SPIN1: variants seen among roughly 807,000 people sequenced by gnomAD.
SPIN1 encodes spindlin 1.
A neutral mutation model predicts 26.0 loss-of-function variants in SPIN1; 3 were observed. The ratio of observed to expected loss-of-function variants is 0.12; its 90% CI spans 0.05 to 0.30. The LOEUF is 0.30. SPIN1 is among the 10% of genes least tolerant of loss of function. The pLI is 1.00. For synonymous variants in SPIN1, 101 were observed against 116.5 expected (o/e 0.87, Z 0.86); for missense variants, 126 against 333.4 (o/e 0.38, Z 4.84).
At chr9:88,424,560 C>T (rs1411100385) in intron 1 of SPIN1, among the ~76,000 whole-genome samples, 1 of 152,062 alleles carries the variant, frequency 6.6e-6, no homozygotes, top group Non-Finnish European at 1.5e-5. Context: ...AAGTTAGTCC[C>T]TGAGGGAGAT....
At chr9:88,452,063 A>G (rs1161775198) in intron 3 of SPIN1, among the ~76,000 whole-genome samples, 1 of 152,232 alleles carries the variant, frequency 6.6e-6, no homozygotes, top group African/African-American at 2.4e-5. Context: ...AAAGTGGACT[A>G]GAATCTACTA....
rs1249344174 is a variant in SPIN1, at chr9:88,454,103, T to C, written c.101+5114T>C. On this transcript the variant is annotated intron_variant, in intron 3 of 5. Coordinates refer to ENST00000375859, the MANE Select transcript of SPIN1 (RefSeq NM_006717.3). Reference sequence around the variant, plus strand: ...GAGGTTATAGATGTTTAATTCTGGCTGCATTTCAAGATGTCCTAGGTTGAA... The same window carrying C: ...GAGGTTATAGATGTTTAATTCTGGCCGCATTTCAAGATGTCCTAGGTTGAA... 2.0e-5 allele frequency among the ~76,000 whole-genome samples: 3 copies of C among 152,232 alleles called. No homozygotes were observed. In the East Asian group the frequency reaches 5.8e-4, roughly 29 times the overall value.
At chr9:88,467,932 T>C (rs1828703795) in intron 4 of SPIN1, among the ~76,000 whole-genome samples, 1 of 151,994 alleles carries the variant, frequency 6.6e-6, no homozygotes, top group South Asian at 2.1e-4. Flanking sequence ...TGTAAGATGC[T>C]AATACAGGAG....
In SPIN1 at chr9:88,426,682, C is replaced by G; in HGVS notation, c.52+91C>G. 10 of 1,125,930 alleles carry G rather than the reference C, an allele frequency of 8.9e-6. No individual in the cohort carries two copies. The South Asian group carries it at 1.0e-4, about 12-fold the overall frequency. The allele number at this position is 1,125,930 out of a possible 1,614,324, so 69.7% of individuals were successfully genotyped here. On this transcript the variant is annotated intron_variant, in intron 2 of 5. Coordinates refer to ENST00000375859, the MANE Select transcript of SPIN1 (RefSeq NM_006717.3). ...AAAATTGGGTACTTTCACATAATAG[C>G]TAGTGAAAAACTTTGTCATTTCTAG...
Position 88,443,133 on chromosome 9 carries a change from AAC to A in SPIN1, c.53-5806_53-5805del, listed in dbSNP as rs1467930360. On this transcript the variant is annotated intron_variant, in intron 2 of 5. Transcript: ENST00000375859. ...AGACTCCATCTCAAAAAAAAAAAAA[AAC>A]AAAAAAAAACTCAGTCTTTGCTTTA... Among the ~76,000 whole-genome samples, 550 of 151,142 alleles carry A rather than the reference AAC, an allele frequency of 3.6e-3. 6 individuals carry two copies. The highest frequency in any genetic ancestry group is 0.013 in the African/African-American group (526 of 40,812).
At chr9:88,407,517 C>T (rs1008249110) in intron 1 of SPIN1, among the ~76,000 whole-genome samples, 1 of 151,162 alleles carries the variant, frequency 6.6e-6, no homozygotes, top group African/African-American at 2.4e-5. Flanking sequence ...TTAAAATAAG[C>T]TATTGAATTG....
rs1343993236 is a variant in SPIN1, at chr9:88,478,223, G to A, written c.*2946G>A. On this transcript the variant is annotated 3_prime_UTR_variant, in exon 6 of 6. Transcript: ENST00000375859. ...ATTGTTTTATGTGCCAAACCACGAA[G>A]TGCATTGGGCTTCAATCTCTGAACA... The A allele has an allele frequency of 6.6e-6, 1 of 152,618 alleles. No homozygotes were observed. The highest frequency in any genetic ancestry group is 2.4e-5 in the African/African-American group (1 of 41,440). The allele number at this position is 152,618 out of a possible 1,614,324, so 9.5% of individuals were successfully genotyped here. A position where few individuals can be genotyped will look rare whatever the true frequency, so the allele number is the denominator to read the frequency against.
At chr9:88,469,667 G>C (rs11142309) in intron 5 of SPIN1, among the ~76,000 whole-genome samples, 54 of 151,970 alleles carry the variant, frequency 3.6e-4, no homozygotes, top group Non-Finnish European at 5.7e-4. Flanking sequence ...GGCACCCACC[G>C]CCACACCTGG....
At chr9:88,438,132 C>T (rs943313256) in intron 2 of SPIN1, among the ~76,000 whole-genome samples, 3 of 148,718 alleles carry the variant, frequency 2.0e-5, no homozygotes. Flanking sequence ...GCCTGGGCCA[C>T]AGAGCAAGAC....
At chr9:88,413,389 G>T (rs1203743676) in intron 1 of SPIN1, among the ~76,000 whole-genome samples, 1 of 149,440 alleles carries the variant, frequency 6.7e-6, no homozygotes. Flanking sequence ...TTTTTGTTCT[G>T]TTTTTTTTAT....
intron 1 of SPIN1, among the ~76,000 whole-genome samples, chr9:88,407,000 T>C (rs1315115693): frequency 2.0e-5 from 3 of 152,100 alleles, no homozygotes; most frequent in African/African-American, 7.2e-5. Context: ...ATCCTTTTCA[T>C]TTCCTAACTA....
chr9:88,469,496 G>A (rs1046676381), intron 5 of SPIN1, among the ~76,000 whole-genome samples: 1 of 152,098 alleles, frequency 6.6e-6, no homozygotes, highest in African/African-American at 2.4e-5. Flanking sequence ...ATTTCATTAG[G>A]CCTAGAAAAC....
intron 2 of SPIN1, among the ~76,000 whole-genome samples, chr9:88,430,062 A>G (rs1827837350): frequency 1.3e-5 from 2 of 152,196 alleles, no homozygotes; most frequent in African/African-American, 2.4e-5. Flanking sequence ...AGCATAGACA[A>G]ATGCTCTGCT....
chr9:88,451,477 T>C (rs1828351285), intron 3 of SPIN1, among the ~76,000 whole-genome samples: 1 of 152,236 alleles, frequency 6.6e-6, no homozygotes, highest in Admixed American at 6.5e-5. Context: ...TGTGGTGTTT[T>C]GGGTGAAACT....
At chr9:88,466,159 G>GTTTTAATTTTT (rs1182138353) in intron 4 of SPIN1, among the ~76,000 whole-genome samples, 2 of 151,950 alleles carry the variant, frequency 1.3e-5, no homozygotes, top group Non-Finnish European at 2.9e-5. Context: ...TTCCATTTAT[G>GTTTTAATTTTT]TTTTAATTTT....
intron 1 of SPIN1, among the ~76,000 whole-genome samples, chr9:88,406,686 A>T (rs577947905): frequency 1.3e-5 from 2 of 152,140 alleles, no homozygotes; most frequent in Admixed American, 1.3e-4. Context: ...TTTAGTTTCA[A>T]TCTGTTAATA....
chr9:88,464,808 T>G (rs566325840), intron 4 of SPIN1, among the ~76,000 whole-genome samples: 2 of 152,238 alleles, frequency 1.3e-5, no homozygotes, highest in South Asian at 2.1e-4. Flanking sequence ...AAGTGTACAG[T>G]TCAGTAGTGT....
At chr9:88,407,543 G>C (rs1463244010) in intron 1 of SPIN1, among the ~76,000 whole-genome samples, 1 of 151,708 alleles carries the variant, frequency 6.6e-6, no homozygotes, top group African/African-American at 2.4e-5. Flanking sequence ...AGGAGCAGTG[G>C]CTCACATCTG....
chr9:88,418,275 A>G (rs1237416690), intron 1 of SPIN1, among the ~76,000 whole-genome samples: 1 of 152,186 alleles, frequency 6.6e-6, no homozygotes, highest in Non-Finnish European at 1.5e-5. Flanking sequence ...CATTCATCTC[A>G]TTAGCATAAA....
Sources: allele counts gnomAD v4.1 joint callset (sites outside exome capture counted in the v4.1 genomes callset), GRCh38; gene constraint gnomAD v4.1.1; transcripts MANE v1.5; gene names NCBI Gene and HGNC (gene_info 2026-07-23, HGNC 2026-07-21).